The following ASPH variants were observed in gnomAD, a reference collection of about 807,000 sequenced individuals.
ASPH encodes aspartyl/asparaginyl beta-hydroxylase.
A neutral mutation model predicts 118.4 loss-of-function variants in ASPH; 100 were observed. The observed-to-expected ratio is 0.84, with a 90% CI of 0.72 to 1.00. ASPH has a LOEUF of 1.00. Ranked by LOEUF, ASPH falls within the 50% of genes least tolerant of loss-of-function variation. The pLI is 0.00. For synonymous variants in ASPH, 315 were observed against 325.6 expected (o/e 0.97, Z 0.35); for missense variants, 920 against 919.5 (o/e 1.00, Z -0.01).
At chr8:61,687,663 A>C (rs1446483938) in intron 1 of ASPH, 1 of 152,218 alleles carries the variant, frequency 6.6e-6, no homozygotes, top group East Asian at 1.9e-4. Context: ...CCTTCAAATA[A>C]TCTTCAGTAC....
intron 20 of ASPH, among the ~76,000 whole-genome samples, chr8:61,551,304 C>T (rs1228496574): frequency 6.6e-5 from 10 of 152,284 alleles, no homozygotes; most frequent in Admixed American, 4.6e-4. Context: ...GCAGATCCAT[C>T]CTCTTTCAGA....
At chr8:61,553,551 C>T (rs181839238) in intron 19 of ASPH, among the ~76,000 whole-genome samples, 38 of 152,078 alleles carry the variant, frequency 2.5e-4, no homozygotes, top group South Asian at 4.1e-4. Flanking sequence ...AGTCCAACTG[C>T]GAGCATTATT....
At chr8:61,525,473 G>A (rs1422342681) in intron 22 of ASPH, among the ~76,000 whole-genome samples, 1 of 152,106 alleles carries the variant, frequency 6.6e-6, no homozygotes, top group African/African-American at 2.4e-5. Flanking sequence ...AGCTGAGACA[G>A]CAGTTATTAT....
chr8:61,628,264 A>G, intron 13 of ASPH: 1 of 302,928 alleles, frequency 3.3e-6, no homozygotes. Context: ...GACTCAAGGA[A>G]TTCTTCCACC....
intron 22 of ASPH, among the ~76,000 whole-genome samples, chr8:61,519,178 G>T (rs1296032705): frequency 6.6e-6 from 1 of 151,894 alleles, no homozygotes; most frequent in Non-Finnish European, 1.5e-5. Context: ...TGCTATGTAT[G>T]GTCTGTAAGT....
At chr8:61,589,789 C>T (rs982465875) in intron 14 of ASPH, among the ~76,000 whole-genome samples, 14 of 152,216 alleles carry the variant, frequency 9.2e-5, no homozygotes, top group Middle Eastern at 3.4e-3. Context: ...CAGAATTCAA[C>T]GGGATCTTTC....
intron 1 of ASPH, among the ~76,000 whole-genome samples, chr8:61,699,481 A>T (rs1309772538): frequency 6.6e-6 from 1 of 152,230 alleles, no homozygotes; most frequent in Middle Eastern, 3.2e-3. Flanking sequence ...TAAAATGAAA[A>T]ATAATGAATA....
intron 21 of ASPH, among the ~76,000 whole-genome samples, chr8:61,530,535 G>A (rs1341777244): frequency 6.6e-6 from 1 of 152,164 alleles, no homozygotes; most frequent in East Asian, 1.9e-4. Flanking sequence ...TCCCCAGACA[G>A]CCTGCTCATG....
At position 61,673,689 on chromosome 8, in the gene ASPH, T is replaced by A. The variant is rs768503029; in HGVS notation, c.322+7279A>T. Among the ~76,000 whole-genome samples the A allele has an allele frequency of 1.8e-4, 28 of 152,290 alleles. No homozygotes were observed. The Middle Eastern group carries it at 0.01, about 55-fold the overall frequency. On this transcript the variant is annotated intron_variant, in intron 3 of 24. Coordinates refer to ENST00000379454, the MANE Select transcript of ASPH (RefSeq NM_004318.4). ...TGAAACAAAGTCAGAAAATACACGC[T>A]TAGAAAATTAAGAATTTTAGCAATA... is the stretch of plus-strand genomic sequence containing the variant.
intron 16 of ASPH, among the ~76,000 whole-genome samples, chr8:61,569,859 T>C (rs1832923899): frequency 6.6e-6 from 1 of 152,214 alleles, no homozygotes; most frequent in East Asian, 1.9e-4. Context: ...TGACCCACAC[T>C]GATCATGATG....
At chr8:61,623,145 G>A (rs1851571254) in intron 13 of ASPH, among the ~76,000 whole-genome samples, 1 of 152,172 alleles carries the variant, frequency 6.6e-6, no homozygotes, top group Non-Finnish European at 1.5e-5. Context: ...GAACCTCCTA[G>A]TGGTTGTACT....
chr8:61,665,221 A>C (rs768410864), intron 3 of ASPH: 3 of 1,543,158 alleles, frequency 1.9e-6, no homozygotes, highest in Non-Finnish European at 2.6e-6. Context: ...CTGGAACATG[A>C]CCATGTTCTG....
At chr8:61,524,442 T>C (rs536471303) in intron 22 of ASPH, among the ~76,000 whole-genome samples, 8 of 152,152 alleles carry the variant, frequency 5.3e-5, no homozygotes, top group African/African-American at 1.9e-4. Flanking sequence ...CATAATCATG[T>C]AAGTGAGAAA....
chr8:61,558,857 T>A (rs1007998913), intron 18 of ASPH, among the ~76,000 whole-genome samples: 1 of 152,182 alleles, frequency 6.6e-6, no homozygotes, highest in Non-Finnish European at 1.5e-5. Context: ...TGGTTTGAAA[T>A]GCATGGATTA....
At chr8:61,659,628 T>C (rs1815691460) in intron 3 of ASPH, 1 of 152,200 alleles carries the variant, frequency 6.6e-6, no homozygotes, top group Non-Finnish European at 1.5e-5. Flanking sequence ...GGAATAAACA[T>C]CCAGCTTATA....
chr8:61,543,152 G>T (rs997452212), intron 21 of ASPH, among the ~76,000 whole-genome samples: 7 of 152,166 alleles, frequency 4.6e-5, no homozygotes, highest in African/African-American at 1.7e-4. Context: ...CTTCTCAGAT[G>T]TGTAGATTAA....
chr8:61,646,930 C>A (rs1808338363), intron 5 of ASPH, 52 bp from the exon 6 acceptor site: 2 of 1,609,708 alleles, frequency 1.2e-6, no homozygotes, highest in Non-Finnish European at 1.7e-6. Flanking sequence ...GACATGAAAG[C>A]CCCTTGTGAA....
chr8:61,629,223 G>T (rs761387014), intron 13 of ASPH, among the ~76,000 whole-genome samples: 9 of 152,168 alleles, frequency 5.9e-5, no homozygotes, highest in Non-Finnish European at 1.2e-4. Flanking sequence ...GAAGAACATG[G>T]TTACACAAAA....
chr8:61,510,996 A>T (rs887536687), intron 24 of ASPH, among the ~76,000 whole-genome samples: 1 of 152,182 alleles, frequency 6.6e-6, no homozygotes. Flanking sequence ...TGCAGCTTCC[A>T]CATGTGATTC....
Sources: gnomAD v4.1 joint callset for allele counts (sites outside exome capture counted in the v4.1 genomes callset) on GRCh38, gnomAD v4.1.1 for gene constraint, MANE v1.5 for transcripts, NCBI Gene and HGNC (gene_info 2026-07-23, HGNC 2026-07-21) for gene names.